The following NUP37 variants were observed in gnomAD, a reference collection of about 807,000 sequenced individuals.
NUP37 encodes nucleoporin Nup37.
In NUP37, 33 loss-of-function variants were observed where a neutral mutation model predicts 45.4. The ratio of observed to expected loss-of-function variants is 0.73; its 90% CI spans 0.55 to 0.97. The LOEUF (loss-of-function observed/expected upper bound fraction) is 0.97. Ranked by LOEUF, NUP37 falls within the 50% of genes least tolerant of loss-of-function variation. NUP37 has a pLI of 0.00. For synonymous variants in NUP37, 127 were observed against 130.7 expected (o/e 0.97, Z 0.19); for missense variants, 365 against 389.7 (o/e 0.94, Z 0.53).
At chr12:102,089,722 G>C (rs1203193815) in intron 5 of NUP37, among the ~76,000 whole-genome samples, 2 of 151,632 alleles carry the variant, frequency 1.3e-5, no homozygotes, top group Non-Finnish European at 2.9e-5. Context: ...AGACGAGGCG[G>C]CCGGGCAGAG....
rs750607469 is a variant in NUP37, at chr12:102,101,060, GAAGTA to G, written c.321_325del (p.Thr108ArgfsTer5). On this transcript the variant is annotated frameshift_variant, in exon 4 of 10. Coordinates refer to ENST00000552283, the MANE Select transcript of NUP37 (RefSeq NM_024057.4). LOFTEE classifies it high-confidence loss of function. Reference sequence around the variant, plus strand: ...ATATTCATTTTTATCCTGAAGATCTGAAGTAAATAATCTAATTTTCATATCAGCAG... The same window carrying G: ...ATATTCATTTTTATCCTGAAGATCTGAATAATCTAATTTTCATATCAGCAG... 1.3e-6 allele frequency: 2 copies of G among 1,557,808 alleles called. No homozygotes were observed. Among genetic ancestry groups the G allele is most frequent in the East Asian group, 2.3e-5 (1 of 42,588 alleles).
At chr12:102,077,235 AG>A in intron 7 of NUP37, 86 bp downstream of exon 7, 1 of 1,330,838 alleles carries the variant, frequency 7.5e-7, no homozygotes, top group Non-Finnish European at 1.1e-6. Context: ...GCATAGTCTC[AG>A]GTATAACAGG....
In NUP37 at chr12:102,118,506, C is replaced by T; in HGVS notation, c.13G>A (p.Ala5Thr). The T allele has an allele frequency of 2.5e-6, 4 of 1,607,188 alleles. No homozygotes were observed. Among genetic ancestry groups the T allele is most frequent in the Non-Finnish European group, 3.4e-6 (4 of 1,178,190 alleles). ...ACAGTGTAGGCAGCATTTCTTGAGG[C>T]ATCTTGCTTCATCTTGTATGTCAAA... MKQD[A>T]SRNAAYTVDC... Residue 5 changes from alanine to threonine, a missense_variant, in exon 2 of 10, where the codon GCC becomes ACC. Coordinates refer to ENST00000552283, the MANE Select transcript of NUP37 (RefSeq NM_024057.4).
chr12:102,076,908 G>C, intron 7 of NUP37, 61 bp from the exon 8 acceptor site: 1 of 1,172,452 alleles, frequency 8.5e-7, no homozygotes, highest in Non-Finnish European at 1.3e-6. Context: ...GTGAACTTAA[G>C]GTTTAAACAG....
chr12:102,118,426 A>C lies in NUP37; in HGVS notation c.93T>G (p.Asp31Glu), dbSNP rs753497796. ...VVEFNPFENG[D>E]SGNLIAYGGN... ...CACCATATGCAATTAGGTTTCCTGA[A>C]TCCCCATTCTCAAAGGGATTAAATT... Residue 31 changes from aspartate (D) to glutamate (E), a missense_variant, in exon 2 of 10, where the codon GAT (aspartate) becomes GAG (glutamate). Transcript: ENST00000552283. 5 of 1,614,078 alleles carry C rather than the reference A, an allele frequency of 3.1e-6. No homozygotes were observed. In the South Asian group the frequency reaches 5.5e-5, roughly 18 times the overall value.
Position 102,077,172 on chromosome 12 carries a change from A to G in NUP37, c.722+150T>C. On this transcript the variant is annotated intron_variant, in intron 7 of 9. Coordinates refer to ENST00000552283, the MANE Select transcript of NUP37 (RefSeq NM_024057.4). ...AATCTGCATAGCAAGTTTATGTTATATAAAAATCCATAGCTCTGGCCTTCT... is the reference window on the plus strand; with the variant it reads ...AATCTGCATAGCAAGTTTATGTTATGTAAAAATCCATAGCTCTGGCCTTCT... 12 of 759,912 alleles carry G rather than the reference A, an allele frequency of 1.6e-5. No homozygotes were observed. In the South Asian group the frequency reaches 2.0e-4, roughly 13 times the overall value. The allele number at this position is 759,912 out of a possible 1,614,324, so 47.1% of individuals were successfully genotyped here.
chr12:102,102,751 T>A (rs541358807), intron 3 of NUP37, among the ~76,000 whole-genome samples: 7 of 152,360 alleles, frequency 4.6e-5, no homozygotes, highest in African/African-American at 1.7e-4. Context: ...GTTTAAGTCT[T>A]TAATCCAATT....
intron 5 of NUP37, among the ~76,000 whole-genome samples, chr12:102,092,672 G>A (rs1483669470): frequency 6.6e-6 from 1 of 152,170 alleles, no homozygotes; most frequent in African/African-American, 2.4e-5. Context: ...TGCAAAAGGA[G>A]TTCAGAGGTG....
At chr12:102,100,749 T>C (rs1466238902) in intron 4 of NUP37, among the ~76,000 whole-genome samples, 1 of 152,210 alleles carries the variant, frequency 6.6e-6, no homozygotes, top group Admixed American at 6.5e-5. Flanking sequence ...ACTCCTACTA[T>C]ATCCAACTGT....
chr12:102,080,092 A>G (rs375036470), intron 6 of NUP37, among the ~76,000 whole-genome samples: 4 of 152,366 alleles, frequency 2.6e-5, no homozygotes, highest in African/African-American at 9.6e-5. Context: ...TCAAAGATAA[A>G]GGACATAATC....
chr12:102,076,806 C>T lies in NUP37; in HGVS notation c.764G>A (p.Cys255Tyr), dbSNP rs149248943. ...AAAAACGGTACATTACCTGAATAAG[C>T]AGGCTCGATCCATGTGAACAGGTCT... is the stretch of plus-strand genomic sequence containing the variant. Reference protein sequence around the residue: ...NKRPVHMDRACLFRWSTISEN... With the variant: ...NKRPVHMDRAYLFRWSTISEN... The change falls in exon 8 of 10, where the codon TGC becomes TAC. Residue 255 changes from cysteine (C) to tyrosine (Y), a missense_variant. Physicochemically the swap from Cys to Tyr is radical, Grantham distance 194 (BLOSUM62 -2). Coordinates refer to ENST00000552283, the MANE Select transcript of NUP37 (RefSeq NM_024057.4). 2.2e-5 allele frequency: 35 copies of T among 1,613,242 alleles called. 1 individual carries two copies. Among genetic ancestry groups the T allele is most frequent in the Admixed American group, 5.0e-5 (3 of 59,982 alleles).
rs190898598 is a variant in NUP37, at chr12:102,106,156, G to A, written c.282-5052C>T. The stretch of plus-strand genomic sequence containing the variant: ...AGAATCTAGAAAACAGGCATGGAAT[G>A]GATTCTCCCTCAGAGCCTAATAAAC... On this transcript the variant is annotated intron_variant, in intron 3 of 9. Transcript: ENST00000552283. Among the ~76,000 whole-genome samples, 758 of 152,236 alleles carry A rather than the reference G, an allele frequency of 5.0e-3. 1 individual carries two copies. Among genetic ancestry groups the A allele is most frequent in the Non-Finnish European group, 8.1e-3 (553 of 68,002 alleles).
intron 2 of NUP37, chr12:102,115,817 C>T: frequency 1.0e-6 from 1 of 982,620 alleles, no homozygotes; most frequent in Non-Finnish European, 1.2e-6. Context: ...ACTTAGTTTT[C>T]TCTCAAGACA....
chr12:102,098,842 T>C (rs1301938841), intron 5 of NUP37, among the ~76,000 whole-genome samples: 2 of 152,148 alleles, frequency 1.3e-5, no homozygotes, highest in Non-Finnish European at 2.9e-5. Flanking sequence ...CAATATAGAT[T>C]TGGATTTCAT....
chr12:102,073,163 GTACTT>G lies in NUP37; in HGVS notation c.*1186_*1190del, dbSNP rs1346085598. ...CTCCACAAAATAATGATTCCTATCTGTACTTTACAAGAGGAAATGAAGCTTCAAAA... is the reference window on the plus strand; with the variant it reads ...CTCCACAAAATAATGATTCCTATCTGTACAAGAGGAAATGAAGCTTCAAAA... On this transcript the variant is annotated 3_prime_UTR_variant, in exon 10 of 10. Coordinates refer to ENST00000552283, the MANE Select transcript of NUP37 (RefSeq NM_024057.4). The G allele has an allele frequency of 1.3e-5, 2 of 152,190 alleles. No individual in the cohort carries two copies. The highest frequency in any genetic ancestry group is 6.5e-5 in the Admixed American group (1 of 15,278). The allele number at this position is 152,190 out of a possible 1,614,324, so 9.4% of individuals were successfully genotyped here.
chr12:102,096,005 GAAGAAA>G (rs931718589), intron 5 of NUP37, among the ~76,000 whole-genome samples: 2 of 152,060 alleles, frequency 1.3e-5, no homozygotes, highest in Non-Finnish European at 2.9e-5. Context: ...TTGTAAAGAA[GAAGAAA>G]GACTACCTAT....
At position 102,076,863 on chromosome 12, in the gene NUP37, T is replaced by C; in HGVS notation, c.723-16A>G. The C allele has an allele frequency of 6.2e-7, 1 of 1,600,426 alleles. No individual in the cohort carries two copies. Among genetic ancestry groups the C allele is most frequent in the Non-Finnish European group, 8.6e-7 (1 of 1,169,172 alleles). On this transcript the variant is annotated splice_polypyrimidine_tract_variant and intron_variant, in intron 7 of 9. Transcript: ENST00000552283. Reference sequence around the variant, plus strand: ...TTGAGGATAACTAAAAGATAATATTTTGCATTTTATGAATTATGTGTTAAA... The same window carrying C: ...TTGAGGATAACTAAAAGATAATATTCTGCATTTTATGAATTATGTGTTAAA...
chr12:102,100,118 T>C (rs1373367373), intron 4 of NUP37, among the ~76,000 whole-genome samples: 3 of 152,220 alleles, frequency 2.0e-5, no homozygotes, highest in Non-Finnish European at 4.4e-5. Context: ...ATGTTTAATG[T>C]GTATTATAAC....
intron 5 of NUP37, 86 bp downstream of exon 5, chr12:102,099,020 A>C: frequency 1.1e-6 from 1 of 902,726 alleles, no homozygotes; most frequent in Non-Finnish European, 1.8e-6. Flanking sequence ...ATTTATGTAA[A>C]AGTCACATTT....
Sources: gnomAD v4.1 joint callset for allele counts (sites outside exome capture counted in the v4.1 genomes callset) on GRCh38, gnomAD v4.1.1 for gene constraint, MANE v1.5 for transcripts, NCBI Gene and HGNC (gene_info 2026-07-23, HGNC 2026-07-21) for gene names.